Variants in BDKRB2 observed in about 807,000 individuals in gnomAD.
BDKRB2 encodes the protein B2 bradykinin receptor.
A neutral mutation model predicts 4.0 loss-of-function variants in BDKRB2; 6 were observed. The observed-to-expected ratio is 1.49, with a 90% CI of 0.81 to 2.93. The LOEUF (loss-of-function observed/expected upper bound fraction) is 2.93, where lower values mean the gene tolerates loss of function less well. BDKRB2 is among the 30% of genes most tolerant of loss of function. BDKRB2 has a pLI of 0.00. For synonymous variants in BDKRB2, 225 were observed against 215.3 expected, an observed-to-expected ratio of 1.05 and a Z score of -0.40; for missense variants, 478 against 520.1, an observed-to-expected ratio of 0.92 and a Z score of 0.79.
chr14:96,232,392 C>T (rs1467107854), intron 1 of BDKRB2, among the ~76,000 whole-genome samples: 2 of 152,236 alleles, frequency 1.3e-5, no homozygotes, highest in Non-Finnish European at 1.5e-5. Context: ...CCGTAATGCA[C>T]GTTTCCAGCT....
rs568384409 is a variant in BDKRB2 at position 96,206,928 on chromosome 14, C to T, written c.-40+1969C>T. On this transcript the variant is annotated intron_variant, in intron 1 of 2. Transcript: ENST00000554311. ...ATTGGGTGTCTGGTGAGGACCTAGT[C>T]GTCATAGATGGCACCTTCTATGCAT... Among the ~76,000 whole-genome samples the T allele has an allele frequency of 6.6e-5, 10 of 152,272 alleles. No individual in the cohort carries two copies. In the South Asian group the frequency reaches 1.9e-3, roughly 28 times the overall value.
intron 1 of BDKRB2, among the ~76,000 whole-genome samples, chr14:96,221,862 AAC>A (rs1424283533): frequency 6.6e-6 from 1 of 152,030 alleles, no homozygotes; most frequent in Non-Finnish European, 1.5e-5. Flanking sequence ...GTGTAGGGAA[AAC>A]AGTTTCCCAC....
chr14:96,209,670 T>C (rs1482314647), intron 1 of BDKRB2, among the ~76,000 whole-genome samples: 4 of 152,212 alleles, frequency 2.6e-5, no homozygotes, highest in African/African-American at 9.7e-5. Flanking sequence ...ATTCACCTGG[T>C]GCTCAGTCAA....
intron 1 of BDKRB2, among the ~76,000 whole-genome samples, chr14:96,227,237 C>T (rs985508248): frequency 6.6e-6 from 1 of 152,214 alleles, no homozygotes; most frequent in Admixed American, 6.5e-5. Context: ...GAAACACTGG[C>T]ATTTCTGGAG....
intron 1 of BDKRB2, among the ~76,000 whole-genome samples, chr14:96,236,687 C>T (rs889362101): frequency 2.0e-5 from 3 of 152,200 alleles, no homozygotes; most frequent in African/African-American, 7.2e-5. Context: ...CAAGCGCCTT[C>T]CTGACTGAGA....
intron 1 of BDKRB2, among the ~76,000 whole-genome samples, chr14:96,221,381 T>C (rs574377905): frequency 6.6e-6 from 1 of 152,300 alleles, no homozygotes; most frequent in African/African-American, 2.4e-5. Context: ...ATCAGCATTG[T>C]CCTGATGCTA....
intron 2 of BDKRB2, chr14:96,240,084 C>T (rs1398580111): frequency 1.9e-5 from 20 of 1,079,838 alleles, no homozygotes; most frequent in Admixed American, 5.3e-5. Context: ...CCTCCCATCA[C>T]GGAAGCTTCA....
chr14:96,215,111 C>G (rs892866971), intron 1 of BDKRB2, among the ~76,000 whole-genome samples: 3 of 152,196 alleles, frequency 2.0e-5, no homozygotes, highest in Admixed American at 6.5e-5. Context: ...CCATGACAAA[C>G]AGTAAAGAAA....
At chr14:96,237,458 G>A (rs2069578) in intron 2 of BDKRB2, among the ~76,000 whole-genome samples, 57,911 of 152,032 alleles carry the variant, frequency 0.38, 12,141 homozygotes, top group East Asian at 0.61. Flanking sequence ...TGGAAGTGAA[G>A]GGAAGAGAGT....
At chr14:96,211,364 A>C (rs1890298072) in intron 1 of BDKRB2, among the ~76,000 whole-genome samples, 1 of 152,206 alleles carries the variant, frequency 6.6e-6, no homozygotes, top group Admixed American at 6.5e-5. Flanking sequence ...CCCACTCTGG[A>C]GCCCACTGGC....
chr14:96,214,124 CG>C (rs1890363715), intron 1 of BDKRB2, among the ~76,000 whole-genome samples: 1 of 152,156 alleles, frequency 6.6e-6, no homozygotes, highest in African/African-American at 2.4e-5. Flanking sequence ...TGCCCTGTGA[CG>C]GGGGCACCCT....
intron 1 of BDKRB2, among the ~76,000 whole-genome samples, chr14:96,215,234 C>A (rs749799571): frequency 6.6e-6 from 1 of 152,180 alleles, no homozygotes; most frequent in African/African-American, 2.4e-5. Context: ...GGTTACCCAG[C>A]TTTTTGTTCC....
intron 1 of BDKRB2, chr14:96,210,802 C>T (rs1890285403): frequency 6.6e-6 from 1 of 152,192 alleles, no homozygotes; most frequent in Non-Finnish European, 1.5e-5. Context: ...TTACAGTACT[C>T]AAGGACTTGC....
intron 1 of BDKRB2, among the ~76,000 whole-genome samples, 180 bp from the exon 2 acceptor site, chr14:96,236,889 C>T (rs1890947535): frequency 9.2e-5 from 14 of 152,174 alleles, no homozygotes; most frequent in Admixed American, 9.2e-4. Flanking sequence ...TGTCTGGCTT[C>T]TCCAGTAGAC....
chr14:96,234,576 C>G (rs1351828390), intron 1 of BDKRB2, among the ~76,000 whole-genome samples: 2 of 152,244 alleles, frequency 1.3e-5, no homozygotes, highest in African/African-American at 4.8e-5. Context: ...TCACCCAGGG[C>G]ACGCCTCTAG....
At chr14:96,239,607 G>A in intron 2 of BDKRB2, 1 of 983,390 alleles carries the variant, frequency 1.0e-6, no homozygotes, top group South Asian at 4.7e-5. Context: ...TGTTTATTGA[G>A]CCTAGTGCAG....
chr14:96,206,054 G>C (rs898992896), intron 1 of BDKRB2, among the ~76,000 whole-genome samples: 2 of 152,172 alleles, frequency 1.3e-5, no homozygotes, highest in African/African-American at 4.8e-5. Flanking sequence ...GGTGGTGGGG[G>C]AACAGGTAAG....
Position 96,241,454 on chromosome 14 carries a change from G to A in BDKRB2, c.1126G>A (p.Val376Met), listed in dbSNP as rs141958164. Reference protein sequence around the residue: ...SMGTLRTSISVERQIHKLQDW... With the variant: ...SMGTLRTSISMERQIHKLQDW... ...GGGCACACTGCGGACCTCCATCTCC[G>A]TGGAACGCCAGATTCACAAACTGCA... The change falls in exon 3 of 3, where the codon GTG (valine) becomes ATG (methionine). Residue 376 changes from valine (V) to methionine (M), a missense_variant. Physicochemically the swap from Val to Met is conservative, Grantham distance 21 (BLOSUM62 1). Coordinates refer to ENST00000554311, the MANE Select transcript of BDKRB2 (RefSeq NM_001379692.1). 596 of 1,581,350 alleles carry A rather than the reference G, an allele frequency of 3.8e-4. 3 individuals are homozygous for A. In the African/African-American group the frequency reaches 7.0e-3, roughly 19 times the overall value.
chr14:96,222,962 G>A (rs117408228), intron 1 of BDKRB2: 10 of 560,892 alleles, frequency 1.8e-5, no homozygotes, highest in East Asian at 1.2e-4. Flanking sequence ...GGACATCACC[G>A]ACCGCTCTAG....
Sources: allele counts gnomAD v4.1 joint callset (sites outside exome capture counted in the v4.1 genomes callset), GRCh38; gene constraint gnomAD v4.1.1; transcripts MANE v1.5; gene names NCBI Gene and HGNC (gene_info 2026-07-23, HGNC 2026-07-21).